Variants in CSTL1 observed in about 807,000 individuals in gnomAD.
CSTL1 encodes cystatin-like 1.
In CSTL1, 14 loss-of-function variants were observed where a neutral mutation model predicts 14.4. That is an observed-to-expected ratio of 0.97 (90% CI 0.64 to 1.52). The LOEUF (loss-of-function observed/expected upper bound fraction) is 1.52. Among genes scored for constraint, CSTL1 ranks in the 40% most tolerant of loss-of-function variants. CSTL1 has a pLI of 0.00. For missense variants in CSTL1, 170 were observed against 168.7 expected (o/e 1.01, Z -0.04); for synonymous variants, 72 against 67.5 (o/e 1.07, Z -0.33).
chr20:23,456,921 A>G, the CSTL1 span, among the ~76,000 whole-genome samples: 1 of 152,078 alleles, frequency 6.6e-6, no homozygotes, highest in Non-Finnish European at 1.5e-5. Flanking sequence ...TAAGGACGTG[A>G]TTAATTACAT....
chr20:23,454,796 T>C, the CSTL1 span, among the ~76,000 whole-genome samples: 1 of 152,212 alleles, frequency 6.6e-6, no homozygotes, highest in African/African-American at 2.4e-5. Flanking sequence ...TACTCTTACA[T>C]TATAATTAAG....
At position 23,443,929 on chromosome 20, in the gene CSTL1, G is replaced by C. The variant is rs6083126; in HGVS notation, c.220-5G>C. 1 of 1,610,198 alleles carries C rather than the reference G, an allele frequency of 6.2e-7. No individual in the cohort carries two copies. Among genetic ancestry groups the C allele is most frequent in the Non-Finnish European group, 8.5e-7 (1 of 1,176,666 alleles). Reference sequence around the variant, plus strand: ...CACACTAACAGCACAACTGATTCTCGGCAGCTGACGACGGGAGTGGAGTAT... The same window carrying C: ...CACACTAACAGCACAACTGATTCTCCGCAGCTGACGACGGGAGTGGAGTAT... On this transcript the variant is annotated splice_region_variant and splice_polypyrimidine_tract_variant and intron_variant, in intron 2 of 3. Transcript: ENST00000347397.
chr20:23,444,907 C>T lies in CSTL1; in HGVS notation c.*29C>T, dbSNP rs1472560155. 3 of 1,436,730 alleles carry T rather than the reference C, an allele frequency of 2.1e-6. No homozygotes were observed. Among genetic ancestry groups the T allele is most frequent in the Non-Finnish European group, 2.9e-6 (3 of 1,018,226 alleles). 89.0% of individuals were successfully genotyped at this position (1,436,730 alleles called of 1,614,324 possible). ...CTCATATGATTGAGTTGTGCACTGGCTGTTATTAAACTGTAAAGGATCATG... is the reference window on the plus strand; with the variant it reads ...CTCATATGATTGAGTTGTGCACTGGTTGTTATTAAACTGTAAAGGATCATG... On this transcript the variant is annotated 3_prime_UTR_variant, in exon 4 of 4. Coordinates refer to ENST00000347397, the MANE Select transcript of CSTL1 (RefSeq NM_138283.1).
At chr20:23,448,091 G>A (rs543760484), downstream of CSTL1, among the ~76,000 whole-genome samples, 1 of 152,016 alleles carries the variant, frequency 6.6e-6, no homozygotes, top group African/African-American at 2.4e-5. Flanking sequence ...TGGTTACATA[G>A]ATAACATCTT....
At chr20:23,446,747 G>C (rs149053713), downstream of CSTL1, among the ~76,000 whole-genome samples, 9 of 152,188 alleles carry the variant, frequency 5.9e-5, no homozygotes, top group African/African-American at 2.2e-4. Context: ...ACAGACAATG[G>C]CTGACAGTGT....
chr20:23,450,827 C>T, the CSTL1 span, among the ~76,000 whole-genome samples: 1 of 152,114 alleles, frequency 6.6e-6, no homozygotes. Flanking sequence ...TCTGCGCAGC[C>T]CATATTCACC....
downstream of CSTL1, among the ~76,000 whole-genome samples, chr20:23,445,238 T>C (rs1338891722): frequency 6.7e-6 from 1 of 149,666 alleles, no homozygotes; most frequent in Non-Finnish European, 1.5e-5. Context: ...TTTCTTTTTT[T>C]TTTTTTTTTT....
At chr20:23,456,521 G>A in the CSTL1 span, among the ~76,000 whole-genome samples, 15 of 152,258 alleles carry the variant, frequency 9.9e-5, no homozygotes, top group South Asian at 6.2e-4. Flanking sequence ...CCAAGCCTTG[G>A]CAGAATTTTA....
downstream of CSTL1, among the ~76,000 whole-genome samples, chr20:23,448,821 A>G (rs1314360856): frequency 6.6e-6 from 1 of 152,194 alleles, no homozygotes; most frequent in Non-Finnish European, 1.5e-5. Flanking sequence ...CTAATGGTTA[A>G]TATTTATTTG....
intron 2 of CSTL1, among the ~76,000 whole-genome samples, chr20:23,443,258 A>G (rs1312457804): frequency 6.6e-6 from 1 of 152,242 alleles, no homozygotes; most frequent in Non-Finnish European, 1.5e-5. Flanking sequence ...CACTGCAGAC[A>G]CTTTGCTAAA....
At chr20:23,446,949 A>C (rs895708551), downstream of CSTL1, among the ~76,000 whole-genome samples, 1 of 149,832 alleles carries the variant, frequency 6.7e-6, no homozygotes, top group African/African-American at 2.5e-5. Context: ...ATTCCTGCGC[A>C]AAAAACCCCA....
intron 3 of CSTL1, 36 bp downstream of exon 3, chr20:23,444,080 A>G (rs752943406): frequency 6.4e-7 from 1 of 1,567,786 alleles, no homozygotes; most frequent in South Asian, 1.1e-5. Flanking sequence ...GGACTTGTGA[A>G]GTGAATATTT....
At chr20:23,450,731 A>C in the CSTL1 span, 1 of 528,888 alleles carries the variant, frequency 1.9e-6, no homozygotes, top group Non-Finnish European at 3.4e-6. Flanking sequence ...AAACAGAAGG[A>C]CATTTTCTGG....
intron 2 of CSTL1, 123 bp downstream of exon 2, chr20:23,440,609 A>G (rs1353037727): frequency 2.5e-6 from 2 of 786,996 alleles, no homozygotes; most frequent in Non-Finnish European, 4.6e-6. Context: ...CCAAGGGGGA[A>G]GCATCTTCAC....
chr20:23,447,606 T>C (rs1486442831), downstream of CSTL1, among the ~76,000 whole-genome samples: 3 of 151,980 alleles, frequency 2.0e-5, no homozygotes, highest in African/African-American at 7.2e-5. Context: ...TACAGGTGCC[T>C]GCCACCATGC....
chr20:23,440,069 G>A (rs1986788738), intron 1 of CSTL1, 75 bp from the exon 2 acceptor site: 1 of 610,436 alleles, frequency 1.6e-6, no homozygotes, highest in South Asian at 2.0e-5. Context: ...TGAATGGGTG[G>A]TGTAAATGGG....
chr20:23,444,081 G>A, intron 3 of CSTL1, 37 bp downstream of exon 3: 1 of 1,567,170 alleles, frequency 6.4e-7, no homozygotes. Context: ...GACTTGTGAA[G>A]TGAATATTTT....
intron 2 of CSTL1, 97 bp downstream of exon 2, chr20:23,440,583 G>C (rs1568634813): frequency 2.2e-6 from 2 of 920,122 alleles, no homozygotes; most frequent in Admixed American, 3.4e-5. Context: ...ACCAAGTGGT[G>C]GTCCTCCGTG....
At chr20:23,443,340 T>G (rs1256444518) in intron 2 of CSTL1, among the ~76,000 whole-genome samples, 2 of 152,224 alleles carry the variant, frequency 1.3e-5, no homozygotes, top group Non-Finnish European at 2.9e-5. Flanking sequence ...CAAGCTTCCA[T>G]TTAGCCCACA....
Sources: gnomAD v4.1 joint callset for allele counts (sites outside exome capture counted in the v4.1 genomes callset) on GRCh38, gnomAD v4.1.1 for gene constraint, MANE v1.5 for transcripts, NCBI Gene and HGNC (gene_info 2026-07-23, HGNC 2026-07-21) for gene names.